CWF19L2: variants seen among roughly 807,000 people sequenced by gnomAD.
CWF19L2 encodes CWF19 like cell cycle control factor 2.
CWF19L2 carries 98 observed loss-of-function variants against 111.7 expected under a neutral mutation model. That is an observed-to-expected ratio of 0.88 (90% CI 0.75 to 1.04). CWF19L2 has a LOEUF of 1.04. CWF19L2 is among the 50% of genes least tolerant of loss of function. The pLI is 0.00. For missense variants in CWF19L2, 1,101 were observed against 1,051.4 expected (o/e 1.05, Z -0.65); for synonymous variants, 351 against 342.9 (o/e 1.02, Z -0.26).
rs936015464 is a variant in CWF19L2, at chr11:107,372,467, G to A, written c.1872+17607C>T. On this transcript the variant is annotated intron_variant, in intron 12 of 17. Transcript: ENST00000282251. ...GAAAATCAACACGGATGGAGCAGAGGAAGCAAAACAAAAGAGTGTGATTCA... is the reference window on the plus strand; with the variant it reads ...GAAAATCAACACGGATGGAGCAGAGAAAGCAAAACAAAAGAGTGTGATTCA... 6.6e-5 allele frequency among the ~76,000 whole-genome samples: 9 copies of A among 136,596 alleles called. 1 individual carries two copies. In the East Asian group the frequency reaches 1.9e-3, roughly 29 times the overall value. The allele number at this position is 136,596 out of a possible 152,430, so 89.6% of individuals were successfully genotyped here.
chr11:107,360,065 T>C (rs1374500629), intron 12 of CWF19L2, among the ~76,000 whole-genome samples: 2 of 152,222 alleles, frequency 1.3e-5, no homozygotes, highest in Non-Finnish European at 1.5e-5. Context: ...ACTCAAATAA[T>C]GTACATTGCA....
intron 12 of CWF19L2, among the ~76,000 whole-genome samples, chr11:107,384,580 T>C (rs74472816): frequency 0.018 from 2,671 of 152,304 alleles, 60 homozygotes; most frequent in African/African-American, 0.059. Flanking sequence ...TTGAAGATTT[T>C]ATATCCTAGT....
intron 6 of CWF19L2, among the ~76,000 whole-genome samples, chr11:107,437,067 TA>T (rs1861551018): frequency 6.6e-6 from 1 of 152,190 alleles, no homozygotes; most frequent in Admixed American, 6.5e-5. Flanking sequence ...ATTAACACAG[TA>T]ATTATTGAAA....
chr11:107,457,662 C>G (rs759384975), intron 1 of CWF19L2, 50 bp downstream of exon 1: 21 of 1,395,732 alleles, frequency 1.5e-5, no homozygotes, highest in Non-Finnish European at 2.1e-5. Context: ...TACGGGAACC[C>G]TCAACTCCCA....
intron 12 of CWF19L2, among the ~76,000 whole-genome samples, chr11:107,381,052 G>C (rs75133249): frequency 0.013 from 1,963 of 152,208 alleles, 24 homozygotes; most frequent in Middle Eastern, 0.037. Context: ...CCAGGGGGCT[G>C]GGGTAAATGG....
At chr11:107,444,763 G>C (rs556401329) in intron 3 of CWF19L2, among the ~76,000 whole-genome samples, 2 of 152,160 alleles carry the variant, frequency 1.3e-5, no homozygotes, top group South Asian at 2.1e-4. Flanking sequence ...GAGTTATCTG[G>C]AACAACCAAC....
intron 10 of CWF19L2, among the ~76,000 whole-genome samples, chr11:107,400,581 A>G (rs1246852917): frequency 1.3e-5 from 2 of 152,170 alleles, no homozygotes; most frequent in East Asian, 1.9e-4. Flanking sequence ...TTAAAAATTA[A>G]CAACAAAAAA....
At chr11:107,446,046 G>T (rs943540913) in intron 3 of CWF19L2, among the ~76,000 whole-genome samples, 2 of 152,168 alleles carry the variant, frequency 1.3e-5, no homozygotes, top group Non-Finnish European at 2.9e-5. Context: ...TAGAAGCCTA[G>T]GTCCCAGAAG....
intron 12 of CWF19L2, among the ~76,000 whole-genome samples, chr11:107,361,125 G>C (rs1373654435): frequency 6.6e-6 from 1 of 152,086 alleles, no homozygotes; most frequent in East Asian, 1.9e-4. Context: ...GTTGATTTTT[G>C]TGTATGTTCA....
At chr11:107,399,674 A>T (rs1860973061) in intron 10 of CWF19L2, among the ~76,000 whole-genome samples, 1 of 152,202 alleles carries the variant, frequency 6.6e-6, no homozygotes, top group South Asian at 2.1e-4. Flanking sequence ...CAGAAAGTCA[A>T]CAAAGAAACA....
In CWF19L2 at chr11:107,428,952, T is replaced by A; in HGVS notation, c.1280A>T (p.Asp427Val). 6.2e-7 allele frequency: 1 copy of A among 1,613,764 alleles called. No homozygotes were observed. Among genetic ancestry groups the A allele is most frequent in the Non-Finnish European group, 8.5e-7 (1 of 1,179,780 alleles). ...TSWSRSDGRGDKKHSNQKPSE... is the reference protein window; with the variant it reads ...TSWSRSDGRGVKKHSNQKPSE... ...TGGCTTTTGATTTGAATGTTTCTTG[T>A]CTCCTCTCCCATCAGAGCGACTCCA... The change falls in exon 8 of 18, where the codon GAC becomes GTC. Residue 427 changes from aspartate (D) to valine (V), a missense_variant. Physicochemically the swap from Asp to Val is radical, Grantham distance 152. Transcript: ENST00000282251.
intron 10 of CWF19L2, among the ~76,000 whole-genome samples, chr11:107,402,380 A>G (rs1287977595): frequency 1.3e-5 from 2 of 151,406 alleles, no homozygotes; most frequent in Non-Finnish European, 2.9e-5. Context: ...CAAACAAATC[A>G]GTAAGAAAAA....
rs772257590 is a variant in CWF19L2 at position 107,454,501 on chromosome 11, C to CT, written c.287dup (p.Ser97GlufsTer7). On this transcript the variant is annotated frameshift_variant, in exon 3 of 18. Transcript: ENST00000282251. LOFTEE classifies it high-confidence loss of function. Reference sequence around the variant, plus strand: ...TTTTTTCATATTTCTGTTTCTTGCTCTTTTTTTTCTTTTCTTTCTTTGCTT... The same window carrying CT: ...TTTTTTCATATTTCTGTTTCTTGCTCTTTTTTTTTCTTTTCTTTCTTTGCTT... 2.5e-5 allele frequency: 37 copies of CT among 1,471,078 alleles called. No homozygotes were observed. The highest frequency in any genetic ancestry group is 1.2e-4 in the South Asian group (8 of 68,776). 91.1% of individuals were successfully genotyped at this position (1,471,078 alleles called of 1,614,324 possible).
chr11:107,361,137 A>G (rs1469371415), intron 12 of CWF19L2, among the ~76,000 whole-genome samples: 1 of 152,190 alleles, frequency 6.6e-6, no homozygotes, highest in Non-Finnish European at 1.5e-5. Flanking sequence ...GTATGTTCAG[A>G]GATATGGGTC....
rs1389984339 is a variant in CWF19L2 at position 107,375,640 on chromosome 11, A to G, written c.1872+14434T>C. On this transcript the variant is annotated intron_variant, in intron 12 of 17. Transcript: ENST00000282251. ...CAAAGCAGTGTGTAGAGGGAAATTT[A>G]TAGCACTAAATGCCCACAAGAGAAA... Among the ~76,000 whole-genome samples the G allele has an allele frequency of 2.5e-4, 33 of 131,676 alleles. 1 individual carries two copies. The highest frequency in any genetic ancestry group is 9.6e-4 in the African/African-American group (32 of 33,404). 86.4% of individuals were successfully genotyped at this position (131,676 alleles called of 152,430 possible). A position where few individuals can be genotyped will look rare whatever the true frequency, so the allele number is the denominator to read the frequency against.
At chr11:107,453,242 T>C (rs752275549) in intron 3 of CWF19L2, among the ~76,000 whole-genome samples, 14 of 152,062 alleles carry the variant, frequency 9.2e-5, no homozygotes, top group Admixed American at 2.0e-4. Flanking sequence ...AGACTGACAA[T>C]ACCAAGTACT....
intron 12 of CWF19L2, among the ~76,000 whole-genome samples, chr11:107,387,350 G>C (rs917368121): frequency 6.6e-6 from 1 of 151,592 alleles, no homozygotes; most frequent in Non-Finnish European, 1.5e-5. Flanking sequence ...GTGATCTCCT[G>C]CTTCCACTAA....
At chr11:107,339,147 G>C (rs945279854) in intron 14 of CWF19L2, among the ~76,000 whole-genome samples, 2 of 152,112 alleles carry the variant, frequency 1.3e-5, no homozygotes, top group Admixed American at 1.3e-4. Flanking sequence ...GATCCACCCA[G>C]GTTGTTTCAT....
intron 13 of CWF19L2, among the ~76,000 whole-genome samples, chr11:107,349,582 C>T (rs77829838): frequency 9.0e-4 from 136 of 151,114 alleles, no homozygotes; most frequent in African/African-American, 3.2e-3. Context: ...ACATGTATTA[C>T]CTAAAAACTG....
Sources: allele counts gnomAD v4.1 joint callset (sites outside exome capture counted in the v4.1 genomes callset), GRCh38; gene constraint gnomAD v4.1.1; transcripts MANE v1.5; gene names NCBI Gene and HGNC (gene_info 2026-07-23, HGNC 2026-07-21).